Variants in TMEM225B observed in about 807,000 individuals in gnomAD.
TMEM225B encodes transmembrane protein 225B, also known as transmembrane protein 225-like.
TMEM225B carries 10 observed loss-of-function variants against 16.9 expected under a neutral mutation model. That is an observed-to-expected ratio of 0.59 (90% CI 0.36 to 1.00). The LOEUF is 1.00. Among genes scored for constraint, TMEM225B ranks in the 50% least tolerant of loss-of-function variants. TMEM225B has a pLI of 0.01. For missense variants in TMEM225B, 217 were observed against 267.0 expected (o/e 0.81, Z 1.30); for synonymous variants, 92 against 109.8 (o/e 0.84, Z 1.01).
chr7:99,599,492 C>T (rs1245853051), intron 1 of TMEM225B, among the ~76,000 whole-genome samples: 3 of 152,088 alleles, frequency 2.0e-5, no homozygotes, highest in Non-Finnish European at 2.9e-5. Context: ...TCGCTTGTGC[C>T]CAGGAGGCAT....
At chr7:99,609,304 C>CT (rs748456050) in intron 5 of TMEM225B, among the ~76,000 whole-genome samples, 1 of 152,172 alleles carries the variant, frequency 6.6e-6, no homozygotes, top group Non-Finnish European at 1.5e-5. Flanking sequence ...TTGAAGTTCT[C>CT]TCACATTTTA....
At chr7:99,600,929 A>G (rs887951160) in intron 2 of TMEM225B, among the ~76,000 whole-genome samples, 10 of 152,116 alleles carry the variant, frequency 6.6e-5, no homozygotes, top group African/African-American at 2.4e-4. Flanking sequence ...GGCTGATGAG[A>G]TGGAAGTGGG....
chr7:99,605,543 C>G (rs184126668), intron 3 of TMEM225B: 1 of 145,402 alleles, frequency 6.9e-6, no homozygotes, highest in Non-Finnish European at 1.5e-5. Context: ...ATCCTCCCAC[C>G]TTAGCCTCCT....
intron 4 of TMEM225B, 116 bp downstream of exon 4, chr7:99,607,010 C>A: frequency 8.7e-7 from 1 of 1,144,132 alleles, no homozygotes; most frequent in Non-Finnish European, 1.2e-6. Context: ...TTTTTAGGGA[C>A]AGGGTCTCAC....
intron 5 of TMEM225B, among the ~76,000 whole-genome samples, chr7:99,608,312 AT>A (rs1193008947): frequency 6.6e-6 from 1 of 152,110 alleles, no homozygotes; most frequent in African/African-American, 2.4e-5. Flanking sequence ...CACATCACCG[AT>A]GTTCAATAAC....
chr7:99,606,014 ATTCTTCACAT>A (rs1805778519), intron 3 of TMEM225B, among the ~76,000 whole-genome samples: 1 of 152,250 alleles, frequency 6.6e-6, no homozygotes, highest in African/African-American at 2.4e-5. Context: ...TACAGGTGTG[ATTCTTCACAT>A]TTGCATGTGC....
At chr7:99,602,016 T>G (rs2151197611) in intron 2 of TMEM225B, among the ~76,000 whole-genome samples, 1 of 152,364 alleles carries the variant, frequency 6.6e-6, no homozygotes, top group South Asian at 2.1e-4. Flanking sequence ...AAAACCGTGA[T>G]GCTGCCAAGC....
chr7:99,610,371 C>A, intron 5 of TMEM225B, 22 bp from the exon 6 acceptor site: 1 of 1,532,684 alleles, frequency 6.5e-7, no homozygotes, highest in Non-Finnish European at 8.7e-7. Context: ...CTGACCTGAC[C>A]CAAACGTTGG....
chr7:99,600,701 A>T (rs770883248), intron 2 of TMEM225B, among the ~76,000 whole-genome samples: 1 of 152,128 alleles, frequency 6.6e-6, no homozygotes, highest in Non-Finnish European at 1.5e-5. Context: ...TGATTCAATT[A>T]TCTCCACCTG....
intron 1 of TMEM225B, among the ~76,000 whole-genome samples, chr7:99,598,823 A>T (rs952498576): frequency 6.6e-6 from 1 of 152,178 alleles, no homozygotes; most frequent in Non-Finnish European, 1.5e-5. Context: ...AGGGCCTGGG[A>T]GGTGCGGGGC....
intron 2 of TMEM225B, 137 bp downstream of exon 2, chr7:99,600,422 G>C (rs984798537): frequency 1.6e-6 from 1 of 643,884 alleles, no homozygotes; most frequent in African/African-American, 1.8e-5. Context: ...CCCCAGGAAG[G>C]AACCCAGGTG....
chr7:99,610,018 G>A (rs910204988), intron 5 of TMEM225B, among the ~76,000 whole-genome samples: 2 of 152,168 alleles, frequency 1.3e-5, no homozygotes, highest in Non-Finnish European at 1.5e-5. Context: ...AATTACAGGC[G>A]TGAACTACCA....
intron 2 of TMEM225B, 59 bp downstream of exon 2, chr7:99,600,344 A>C: frequency 1.4e-6 from 1 of 701,796 alleles, no homozygotes; most frequent in Non-Finnish European, 2.6e-6. Flanking sequence ...TGGAGTGGAC[A>C]GCACCAAGCT....
rs774819706 is a variant in TMEM225B at position 99,604,436 on chromosome 7, AG to A, written c.49del (p.Val17SerfsTer4). 7 of 1,536,094 alleles carry A rather than the reference AG, an allele frequency of 4.6e-6. No individual in the cohort carries two copies. The South Asian group carries it at 8.3e-5, about 18-fold the overall frequency. On this transcript the variant is annotated frameshift_variant, in exon 3 of 6. Transcript: ENST00000431679. LOFTEE classifies it high-confidence loss of function. ...ACATGAAGGGATTCTCCTGGGCCAT[AG>A]TCCCAGCCTTAACCTCCCTAGGCTA... ...KDMKGFSWAI[V>X]PALTSLGYLI...
chr7:99,599,721 A>G (rs1048703285), intron 1 of TMEM225B, among the ~76,000 whole-genome samples: 2 of 152,216 alleles, frequency 1.3e-5, no homozygotes, highest in Non-Finnish European at 2.9e-5. Flanking sequence ...CTGGATCCAC[A>G]GAATTCCAGA....
At chr7:99,600,954 A>G (rs1805310610) in intron 2 of TMEM225B, among the ~76,000 whole-genome samples, 1 of 152,146 alleles carries the variant, frequency 6.6e-6, no homozygotes, top group Non-Finnish European at 1.5e-5. Context: ...GGGAGAGGGA[A>G]GAACCAGCAT....
At chr7:99,610,351 T>G (rs1277542170) in intron 5 of TMEM225B, 42 bp from the exon 6 acceptor site, 1 of 1,512,124 alleles carries the variant, frequency 6.6e-7, no homozygotes, top group Non-Finnish European at 8.9e-7. Flanking sequence ...CGTGGAGCTC[T>G]GGACTTTCTC....
Position 99,607,829 on chromosome 7 carries a change from G to A in TMEM225B, c.493+19G>A. On this transcript the variant is annotated intron_variant, in intron 5 of 5. Transcript: ENST00000431679. ...GTGGCTGGTGAGTGTCCAGGGAACA[G>A]TGCCCTGCTTCTTGTCCTCGGTCTG... 6.5e-7 allele frequency: 1 copy of A among 1,534,046 alleles called. No homozygotes were observed.
chr7:99,601,484 T>G (rs917913504), intron 2 of TMEM225B, among the ~76,000 whole-genome samples: 3 of 152,198 alleles, frequency 2.0e-5, no homozygotes, highest in Non-Finnish European at 4.4e-5. Context: ...TCCCAGCTAC[T>G]CAGGAGGCTG....
Sources: gnomAD v4.1 joint callset for allele counts (sites outside exome capture counted in the v4.1 genomes callset) on GRCh38, gnomAD v4.1.1 for gene constraint, MANE v1.5 for transcripts, NCBI Gene and HGNC (gene_info 2026-07-23, HGNC 2026-07-21) for gene names.